The following PHF20 variants were observed in gnomAD, a reference collection of about 807,000 sequenced individuals.
PHF20 encodes the protein glioma-expressed antigen 2.
A neutral mutation model predicts 113.5 loss-of-function variants in PHF20; 23 were observed. The observed-to-expected ratio is 0.20, with a 90% CI of 0.15 to 0.29. The LOEUF (loss-of-function observed/expected upper bound fraction) is 0.29. Among genes scored for constraint, PHF20 ranks in the 10% least tolerant of loss-of-function variants. The pLI, the probability that PHF20 is intolerant of heterozygous loss-of-function variation, is 1.00. For missense variants in PHF20, 943 were observed against 1,219.6 expected (o/e 0.77, Z 3.38); for synonymous variants, 434 against 457.3 (o/e 0.95, Z 0.65).
chr20:35,903,639 G>T (rs1049178852), intron 10 of PHF20, among the ~76,000 whole-genome samples: 20 of 152,286 alleles, frequency 1.3e-4, no homozygotes, highest in Admixed American at 7.2e-4. Context: ...TTGCTGATAC[G>T]TTTAGCAGTT....
At chr20:35,864,743 A>G (rs2054284027) in intron 6 of PHF20, among the ~76,000 whole-genome samples, 1 of 152,118 alleles carries the variant, frequency 6.6e-6, no homozygotes, top group East Asian at 1.9e-4. Flanking sequence ...AGGCCTAAAT[A>G]GGGCCTAGAC....
intron 9 of PHF20, among the ~76,000 whole-genome samples, chr20:35,874,628 C>T (rs6579259): frequency 0.097 from 14,791 of 152,064 alleles, 774 homozygotes; most frequent in Middle Eastern, 0.16. Context: ...GGACTACAGG[C>T]GTGTGCCACC....
At chr20:35,844,543 CCACACACACACACACACACACACACACA>C (rs61622083) in intron 3 of PHF20, among the ~76,000 whole-genome samples, 1 of 117,708 alleles carries the variant, frequency 8.5e-6, no homozygotes, top group African/African-American at 3.2e-5. Flanking sequence ...TTCACCATCA[CCACACACACACACACACACACACACACA>C]CACACACACA....
intron 10 of PHF20, among the ~76,000 whole-genome samples, chr20:35,905,382 G>A (rs914440950): frequency 6.6e-6 from 1 of 152,154 alleles, no homozygotes; most frequent in African/African-American, 2.4e-5. Flanking sequence ...TTCATCTGTT[G>A]AAGTCCTAAC....
chr20:35,795,308 T>G (rs1368557354), intron 1 of PHF20, among the ~76,000 whole-genome samples: 1 of 151,990 alleles, frequency 6.6e-6, no homozygotes, highest in East Asian at 1.9e-4. Context: ...CCATCTTGGC[T>G]TACTGCAACC....
chr20:35,799,010 T>G (rs543360758), intron 1 of PHF20, among the ~76,000 whole-genome samples: 2 of 152,252 alleles, frequency 1.3e-5, no homozygotes, highest in African/African-American at 4.8e-5. Context: ...AAATTCTTCA[T>G]AAAATGTGCT....
In PHF20 at chr20:35,863,371, G is replaced by T; in HGVS notation, c.779G>T (p.Arg260Leu). Residue 260 changes from arginine to leucine, a missense_variant, in exon 6 of 18, where the codon CGA becomes CTA. Arg to Leu is a moderately radical substitution (Grantham distance 102, BLOSUM62 -2). Transcript: ENST00000374012. Reference sequence around the variant, plus strand: ...AACTTGAGGGAACCCAAAAGAAAACGAGGCAGACCCCCTTCCATAGCTCCT... The same window carrying T: ...AACTTGAGGGAACCCAAAAGAAAACTAGGCAGACCCCCTTCCATAGCTCCT... ...QENLREPKRK[R>L]GRPPSIAPTA... The T allele has an allele frequency of 6.2e-7, 1 of 1,607,084 alleles. No individual in the cohort carries two copies. Among genetic ancestry groups the T allele is most frequent in the Non-Finnish European group, 8.5e-7 (1 of 1,178,206 alleles).
At chr20:35,821,440 A>G (rs1029704003) in intron 2 of PHF20, among the ~76,000 whole-genome samples, 4 of 151,602 alleles carry the variant, frequency 2.6e-5, no homozygotes, top group South Asian at 2.1e-4. Context: ...TGTCAAAAAA[A>G]AAAAAGGGGC....
intron 9 of PHF20, among the ~76,000 whole-genome samples, chr20:35,872,813 A>G (rs992634750): frequency 6.6e-6 from 1 of 152,228 alleles, no homozygotes; most frequent in Non-Finnish European, 1.5e-5. Context: ...ATGGTCCAGC[A>G]TATGATCTGT....
At chr20:35,865,789 C>T (rs887537464) in intron 6 of PHF20, among the ~76,000 whole-genome samples, 7 of 152,058 alleles carry the variant, frequency 4.6e-5, no homozygotes, top group Non-Finnish European at 1.0e-4. Flanking sequence ...CATGAGCCAC[C>T]ATGCCTGGCA....
chr20:35,815,068 T>G (rs951259681), intron 2 of PHF20, among the ~76,000 whole-genome samples: 1 of 151,390 alleles, frequency 6.6e-6, no homozygotes, highest in Non-Finnish European at 1.5e-5. Flanking sequence ...TGGTGGCAGG[T>G]GCCTGTAATT....
chr20:35,805,038 A>G (rs949491679), intron 2 of PHF20, among the ~76,000 whole-genome samples: 1 of 150,932 alleles, frequency 6.6e-6, no homozygotes, highest in Non-Finnish European at 1.5e-5. Context: ...AGTATGTGGG[A>G]TTATAGGTGT....
At chr20:35,946,667 TTTTATTTTATTTTA>T (rs1007956805) in intron 17 of PHF20, among the ~76,000 whole-genome samples, 17 of 145,488 alleles carry the variant, frequency 1.2e-4, no homozygotes, top group Admixed American at 4.8e-4. Context: ...TTTTATTTTA[TTTTATTTTATTTTA>T]TTTATTTTAT....
chr20:35,861,415 C>T lies in PHF20; in HGVS notation c.421-1598C>T, dbSNP rs548195772. 2.5e-4 allele frequency among the ~76,000 whole-genome samples: 38 copies of T among 152,014 alleles called. No homozygotes were observed. In the South Asian group the frequency reaches 7.3e-3, roughly 29 times the overall value. On this transcript the variant is annotated intron_variant, in intron 5 of 17. Transcript: ENST00000374012. ...GTACGTGTGTGTATTTATTTATTTT[C>T]AAAATTGGAGTTGTGGTACATTAAT...
At chr20:35,913,104 G>A (rs1359856337) in intron 10 of PHF20, 145 bp from the exon 11 acceptor site, 5 of 583,724 alleles carry the variant, frequency 8.6e-6, no homozygotes, top group East Asian at 6.1e-5. Context: ...TGATGGAGGC[G>A]TGGCTCTGCC....
intron 2 of PHF20, among the ~76,000 whole-genome samples, chr20:35,830,059 G>T (rs143807318): frequency 0.051 from 7,702 of 152,114 alleles, 240 homozygotes; most frequent in African/African-American, 0.099. Context: ...GGCTACAGGC[G>T]CATGCCGCCA....
chr20:35,888,380 G>T (rs2378412), intron 9 of PHF20, among the ~76,000 whole-genome samples: 2 of 152,190 alleles, frequency 1.3e-5, no homozygotes, highest in African/African-American at 2.4e-5. Context: ...AAGGGTGACT[G>T]TTGAGATTTT....
chr20:35,917,297 A>G (rs2084426253), intron 12 of PHF20, 187 bp from the exon 13 acceptor site: 1 of 682,978 alleles, frequency 1.5e-6, no homozygotes, highest in Non-Finnish European at 2.7e-6. Flanking sequence ...ACTGCCAGGC[A>G]GCATGCTTCG....
chr20:35,808,988 C>T (rs2041931766), intron 2 of PHF20, among the ~76,000 whole-genome samples: 1 of 151,862 alleles, frequency 6.6e-6, no homozygotes, highest in Admixed American at 6.6e-5. Context: ...TGCAGTGGCT[C>T]ATGCCCGTAA....
Sources: gnomAD v4.1 joint callset for allele counts (sites outside exome capture counted in the v4.1 genomes callset) on GRCh38, gnomAD v4.1.1 for gene constraint, MANE v1.5 for transcripts, NCBI Gene and HGNC (gene_info 2026-07-23, HGNC 2026-07-21) for gene names.